PTGER3: variants seen among roughly 807,000 people sequenced by gnomAD.
PTGER3 encodes the protein prostaglandin E receptor 3.
In PTGER3, 22 loss-of-function variants were observed where a neutral mutation model predicts 34.7. The ratio of observed to expected loss-of-function variants is 0.63; its 90% CI spans 0.45 to 0.91. PTGER3 has a LOEUF of 0.91. Ranked by LOEUF, PTGER3 falls within the 40% of genes least tolerant of loss-of-function variation. The probability of loss-of-function intolerance (pLI) is 0.00; values close to 1 mark genes in which losing one functional copy is unlikely to be tolerated. For synonymous variants in PTGER3, 241 were observed against 230.1 expected, an observed-to-expected ratio of 1.05 and a Z score of -0.43; for missense variants, 468 against 519.4, an observed-to-expected ratio of 0.90 and a Z score of 0.96.
intron 4 of PTGER3, among the ~76,000 whole-genome samples, chr1:70,941,134 A>G (rs1447875637): frequency 6.6e-6 from 1 of 152,208 alleles, no homozygotes; most frequent in Admixed American, 6.6e-5. Flanking sequence ...GACAGTGCAT[A>G]TCTAATGCAA....
intron 4 of PTGER3, among the ~76,000 whole-genome samples, chr1:70,878,455 G>C (rs915795463): frequency 3.3e-5 from 5 of 151,738 alleles, no homozygotes; most frequent in Non-Finnish European, 5.9e-5. Context: ...ATTTTATTTT[G>C]CATCTCAATT....
At chr1:70,889,526 T>A (rs1443515083) in intron 4 of PTGER3, among the ~76,000 whole-genome samples, 1 of 152,024 alleles carries the variant, frequency 6.6e-6, no homozygotes, top group Non-Finnish European at 1.5e-5. Flanking sequence ...AAATTTAGTA[T>A]AAAATGCAAA....
In PTGER3 at chr1:70,912,571, G is replaced by A. The variant is rs142854861; in HGVS notation, c.*23+41192C>T. 3.2e-3 allele frequency among the ~76,000 whole-genome samples: 489 copies of A among 152,120 alleles called. 5 individuals carry two copies. The highest frequency in any genetic ancestry group is 0.024 in the Middle Eastern group (7 of 294). ...TTAAATCTCAAAATGAAAGGTACATGTACAGAATTTCAGAGCTGCAAGATT... is the reference window on the plus strand; with the variant it reads ...TTAAATCTCAAAATGAAAGGTACATATACAGAATTTCAGAGCTGCAAGATT... On this transcript the variant is annotated intron_variant, in intron 4 of 4. Coordinates refer to the PTGER3 transcript ENST00000370931.
At chr1:70,925,477 A>C (rs906993171) in intron 4 of PTGER3, among the ~76,000 whole-genome samples, 1 of 152,246 alleles carries the variant, frequency 6.6e-6, no homozygotes, top group South Asian at 2.1e-4. Flanking sequence ...AATATTATCC[A>C]TTGTAGCATT....
intron 2 of PTGER3, among the ~76,000 whole-genome samples, chr1:70,964,155 T>TA (rs1205416651): frequency 1.3e-5 from 2 of 152,180 alleles, no homozygotes; most frequent in Non-Finnish European, 2.9e-5. Context: ...AACAAGTCTC[T>TA]AGGAAGTTCC....
intron 4 of PTGER3, among the ~76,000 whole-genome samples, chr1:70,901,300 C>T (rs1264921575): frequency 6.6e-6 from 1 of 152,152 alleles, no homozygotes; most frequent in Non-Finnish European, 1.5e-5. Flanking sequence ...AACATGTCAT[C>T]ATCAGCTGTT....
At position 71,047,324 on chromosome 1, in the gene PTGER3, T is replaced by C. The variant is rs751943304; in HGVS notation, c.254A>G (p.Lys85Arg). The C allele has an allele frequency of 1.1e-5, 18 of 1,606,326 alleles. No individual in the cohort carries two copies. The East Asian group carries it at 3.8e-4, about 34-fold the overall frequency. The change falls in exon 1 of 4, where the codon AAG (lysine) becomes AGG (arginine). Residue 85 changes from lysine to arginine, a missense_variant. Physicochemically the swap from Lys to Arg is conservative, Grantham distance 26. Around this residue, in one of 5 missense-constraint regions of PTGER3, gnomAD observed 151 missense variants for 133.5 expected, o/e 1.13. Coordinates refer to ENST00000306666, the MANE Select transcript of PTGER3 (RefSeq NM_198719.2). ...GCCGATGCACAGCAGGAAGGACTTC[T>C]TGCGCTTGCTCTCCCGGCGCCGGTA... ...RSYRRRESKR[K>R]KSFLLCIGWL...
intron 2 of PTGER3, among the ~76,000 whole-genome samples, chr1:70,979,729 G>A (rs775400499): frequency 2.0e-5 from 3 of 152,082 alleles, no homozygotes; most frequent in Non-Finnish European, 2.9e-5. Context: ...ACACCACTTC[G>A]TGAGACTCTG....
At chr1:70,987,577 T>C (rs1317765525) in intron 2 of PTGER3, among the ~76,000 whole-genome samples, 2 of 152,354 alleles carry the variant, frequency 1.3e-5, no homozygotes, top group South Asian at 2.1e-4. Flanking sequence ...GATTGATCTC[T>C]ATGCACTTCA....
At chr1:71,017,751 T>C (rs1658038808) in intron 1 of PTGER3, among the ~76,000 whole-genome samples, 1 of 152,154 alleles carries the variant, frequency 6.6e-6, no homozygotes, top group South Asian at 2.1e-4. Flanking sequence ...TCCCCAGCCA[T>C]GCTTCCTGTA....
intron 2 of PTGER3, chr1:71,006,474 T>C (rs1656977597): frequency 1.0e-6 from 1 of 985,312 alleles, no homozygotes; most frequent in South Asian, 4.7e-5. Context: ...GGTTGTACTA[T>C]GAGCAAGGAC....
At chr1:71,028,849 GAATA>G (rs1327236235) in intron 1 of PTGER3, among the ~76,000 whole-genome samples, 1 of 151,994 alleles carries the variant, frequency 6.6e-6, no homozygotes, top group Non-Finnish European at 1.5e-5. Flanking sequence ...TAAAAGTAAA[GAATA>G]AAGAAAAATA....
At chr1:70,963,321 C>T (rs886396867) in intron 2 of PTGER3, among the ~76,000 whole-genome samples, 9 of 152,136 alleles carry the variant, frequency 5.9e-5, no homozygotes, top group African/African-American at 1.9e-4. Flanking sequence ...GATGGGAGCC[C>T]TCCTCTGATG....
intron 4 of PTGER3, among the ~76,000 whole-genome samples, chr1:70,946,397 T>C (rs943765164): frequency 1.3e-5 from 2 of 152,044 alleles, no homozygotes; most frequent in African/African-American, 4.8e-5. Context: ...ATAACAGAAT[T>C]GGTAAGAACC....
At chr1:70,894,309 CAAAAAAA>C (rs35974984) in intron 4 of PTGER3, among the ~76,000 whole-genome samples, 740 of 46,728 alleles carry the variant, frequency 0.016, 10 homozygotes, top group African/African-American at 0.061. Context: ...AACTCCATCT[CAAAAAAA>C]AAAAAAAAAA....
chr1:70,907,954 C>T (rs991024726), intron 4 of PTGER3, among the ~76,000 whole-genome samples: 16 of 152,166 alleles, frequency 1.1e-4, no homozygotes, highest in African/African-American at 3.6e-4. Context: ...GTACATCCAT[C>T]AGGCCATCAG....
intron 2 of PTGER3, chr1:71,009,828 C>A: frequency 2.0e-6 from 2 of 985,102 alleles, no homozygotes; most frequent in Admixed American, 6.2e-5. Flanking sequence ...AACTTAGACA[C>A]GTCTTTCTGC....
chr1:71,047,441 T>C lies in PTGER3; in HGVS notation c.137A>G (p.Asp46Gly), dbSNP rs1660953072. The change falls in exon 1 of 4, where the codon GAT becomes GGT. Residue 46 changes from aspartate (D) to glycine (G), a missense_variant. By Grantham distance (94) the Asp-to-Gly change is moderately conservative. Coordinates refer to ENST00000306666, the MANE Select transcript of PTGER3 (RefSeq NM_198719.2). ...NLTRPPGSGE[D>G]CGSVSVAFPI... ...GAAGGCCACGGACACCGATCCGCAA[T>C]CCTCGCCAGACCCTGGAGGGCGCGT... 1 of 1,611,274 alleles carries C rather than the reference T, an allele frequency of 6.2e-7. No individual in the cohort carries two copies. The highest frequency in any genetic ancestry group is 8.5e-7 in the Non-Finnish European group (1 of 1,179,582).
Position 71,024,513 on chromosome 1 carries a change from G to T in PTGER3, c.898-12029C>A, listed in dbSNP as rs142068908. On this transcript the variant is annotated intron_variant, in intron 1 of 3. Transcript: ENST00000306666. ...ATCACAGCAAGGGCCAAGCCCAGTAGATTAATAAAGTTTTTGAATTAACAA... is the reference window on the plus strand; with the variant it reads ...ATCACAGCAAGGGCCAAGCCCAGTATATTAATAAAGTTTTTGAATTAACAA... Among the ~76,000 whole-genome samples, 439 of 152,162 alleles carry T rather than the reference G, an allele frequency of 2.9e-3. 3 individuals carry two copies. Among genetic ancestry groups the T allele is most frequent in the African/African-American group, 9.9e-3 (411 of 41,528 alleles).
Sources: allele counts gnomAD v4.1 joint callset (sites outside exome capture counted in the v4.1 genomes callset), GRCh38; gene constraint gnomAD v4.1.1; regional missense constraint gnomAD v4.1.1; transcripts MANE v1.5; gene names NCBI Gene and HGNC (gene_info 2026-07-23, HGNC 2026-07-21).